The following JMY variants were observed in gnomAD, a reference collection of about 807,000 sequenced individuals.
JMY encodes junction-mediating and -regulatory protein.
In JMY, 46 loss-of-function variants were observed where a neutral mutation model predicts 103.3. The observed-to-expected ratio is 0.45, with a 90% CI of 0.35 to 0.57. The LOEUF is 0.57. Ranked by LOEUF, JMY falls within the 20% of genes least tolerant of loss-of-function variation. The pLI, the probability that JMY is intolerant of heterozygous loss-of-function variation, is 0.00. For missense variants in JMY, 1,238 were observed against 1,255.2 expected (o/e 0.99, Z 0.21); for synonymous variants, 526 against 489.3 (o/e 1.07, Z -0.99).
intron 2 of JMY, 104 bp downstream of exon 2, chr5:79,278,187 A>T: frequency 3.3e-6 from 3 of 911,250 alleles, no homozygotes; most frequent in Non-Finnish European, 4.8e-6. Context: ...AAAAAAAAAA[A>T]GAAGGTACCT....
chr5:79,257,214 A>G (rs1454820564), intron 1 of JMY, among the ~76,000 whole-genome samples: 4 of 151,958 alleles, frequency 2.6e-5, no homozygotes, highest in Non-Finnish European at 5.9e-5. Context: ...CCGTGATTAC[A>G]GGCGTGAGCT....
At chr5:79,293,001 T>C (rs772102320) in intron 4 of JMY, among the ~76,000 whole-genome samples, 15 of 152,196 alleles carry the variant, frequency 9.9e-5, no homozygotes, top group African/African-American at 1.2e-4. Context: ...TAATTTAACA[T>C]GCCCACATTA....
chr5:79,288,778 C>T (rs760973426), intron 2 of JMY, among the ~76,000 whole-genome samples: 54 of 151,448 alleles, frequency 3.6e-4, no homozygotes, highest in South Asian at 6.2e-4. Context: ...ATGGTACCCA[C>T]GCTGGTCTCC....
In JMY at chr5:79,236,768, G is replaced by A. The variant is rs1389405580; in HGVS notation, c.118G>A (p.Gly40Ser). Residue 40 changes from glycine (G) to serine (S), a missense_variant, in exon 1 of 11, where the codon GGC (glycine) becomes AGC (serine). By Grantham distance (56) the Gly-to-Ser change is moderately conservative. Coordinates refer to ENST00000396137, the MANE Select transcript of JMY (RefSeq NM_152405.5). ...TATTGTGGCCTGGAACGAGATTGAG[G>A]GCAAGTTTGCCATAACCTGCCACAA... ...VFIVAWNEIE[G>S]KFAITCHNRT... 2 of 1,511,998 alleles carry A rather than the reference G, an allele frequency of 1.3e-6. No individual in the cohort carries two copies. The highest frequency in any genetic ancestry group is 1.8e-6 in the Non-Finnish European group (2 of 1,128,644). The allele number at this position is 1,511,998 out of a possible 1,614,324, so 93.7% of individuals were successfully genotyped here. A position where few individuals can be genotyped will look rare whatever the true frequency, so the allele number is the denominator to read the frequency against.
chr5:79,259,359 C>T (rs550344904), intron 1 of JMY, among the ~76,000 whole-genome samples: 15 of 152,116 alleles, frequency 9.9e-5, no homozygotes, highest in East Asian at 7.7e-4. Flanking sequence ...GAAGTGTGTG[C>T]GAAATGGTCC....
chr5:79,283,105 C>A (rs1746170340), intron 2 of JMY, among the ~76,000 whole-genome samples: 1 of 152,012 alleles, frequency 6.6e-6, no homozygotes, highest in Admixed American at 6.6e-5. Flanking sequence ...AATTCTCCTG[C>A]CTCAGCCTCC....
chr5:79,284,047 A>ACT, intron 2 of JMY: 1 of 828,208 alleles, frequency 1.2e-6, no homozygotes, highest in Non-Finnish European at 1.8e-6. Flanking sequence ...GGTACAAATT[A>ACT]CTTTCTTTTT....
intron 10 of JMY, among the ~76,000 whole-genome samples, chr5:79,318,082 AG>A (rs1438649004): frequency 1.3e-5 from 2 of 152,046 alleles, no homozygotes; most frequent in Non-Finnish European, 2.9e-5. Context: ...GCTCGCTGCA[AG>A]CTCCACCTCG....
chr5:79,301,685 C>T (rs1310545990), intron 6 of JMY, among the ~76,000 whole-genome samples: 1 of 152,212 alleles, frequency 6.6e-6, no homozygotes, highest in African/African-American at 2.4e-5. Context: ...CTGGCTTTCA[C>T]ATAATTATGT....
chr5:79,270,347 T>C (rs945706062), intron 1 of JMY, among the ~76,000 whole-genome samples: 1 of 139,996 alleles, frequency 7.1e-6, no homozygotes. Flanking sequence ...AATATATATT[T>C]ACATAAATAT....
At chr5:79,317,255 A>G (rs1416266555) in intron 10 of JMY, among the ~76,000 whole-genome samples, 1 of 152,142 alleles carries the variant, frequency 6.6e-6, no homozygotes, top group African/African-American at 2.4e-5. Context: ...CAGTTACTGT[A>G]TTATCTAGAC....
At chr5:79,321,282 C>G (rs979641975) in intron 10 of JMY, among the ~76,000 whole-genome samples, 1 of 152,192 alleles carries the variant, frequency 6.6e-6, no homozygotes, top group Non-Finnish European at 1.5e-5. Context: ...AAAACAGTTT[C>G]TACTGCATTT....
intron 1 of JMY, among the ~76,000 whole-genome samples, chr5:79,255,864 CTG>C (rs1312953596): frequency 6.6e-6 from 1 of 152,254 alleles, no homozygotes; most frequent in Non-Finnish European, 1.5e-5. Flanking sequence ...ACCACTGGGA[CTG>C]TGCTGAGTCA....
rs1747157941 is a variant in JMY, at chr5:79,314,682, G to A, written c.2490G>A (p.Lys830=). 5 of 1,488,176 alleles carry A rather than the reference G, an allele frequency of 3.4e-6. No homozygotes were observed. The highest frequency in any genetic ancestry group is 4.5e-6 in the Non-Finnish European group (5 of 1,112,644). 92.2% of individuals were successfully genotyped at this position (1,488,176 alleles called of 1,614,324 possible). ...CACCACCACCTCTGCCTGTTGCTAA[G>A]GACAGTGGCCCAGAGACACTGGAGA... ...PPPPPPLPVA[K]DSGPETLEKD... Residue 830 remains lysine (K), a synonymous_variant, in exon 9 of 11, where the codon AAG becomes AAA. Transcript: ENST00000396137.
intron 1 of JMY, among the ~76,000 whole-genome samples, chr5:79,263,738 A>G (rs995675164): frequency 6.6e-5 from 10 of 151,334 alleles, no homozygotes; most frequent in African/African-American, 4.9e-5. Flanking sequence ...CACCGGTGCA[A>G]TCATGGCTTA....
At chr5:79,237,792 C>G in intron 1 of JMY, 110 bp downstream of exon 1, 6 of 979,356 alleles carry the variant, frequency 6.1e-6, no homozygotes, top group Non-Finnish European at 7.4e-6. Context: ...GGTTGTTTTT[C>G]TGGACAAGCG....
chr5:79,277,169 G>A (rs1745965558), intron 1 of JMY, among the ~76,000 whole-genome samples: 2 of 152,182 alleles, frequency 1.3e-5, no homozygotes, highest in East Asian at 3.9e-4. Flanking sequence ...ATTGTTTTCT[G>A]TTTATTCACT....
rs567146234 is a variant in JMY, at chr5:79,291,043, T to C, written c.1358-87T>C. 4.3e-6 allele frequency: 4 copies of C among 924,112 alleles called. No individual in the cohort carries two copies. In the Admixed American group the frequency reaches 9.9e-5, roughly 23 times the overall value. The allele number at this position is 924,112 out of a possible 1,614,324, so 57.2% of individuals were successfully genotyped here. On this transcript the variant is annotated intron_variant, in intron 3 of 10. Coordinates refer to ENST00000396137, the MANE Select transcript of JMY (RefSeq NM_152405.5). ...TTATCATGACAGCAGGATTTGTTTC[T>C]CTTTGTGTGGTCAGTGAAATCTTTT...
At chr5:79,248,048 A>C (rs7733979) in intron 1 of JMY, among the ~76,000 whole-genome samples, 5,124 of 151,748 alleles carry the variant, frequency 0.034, 109 homozygotes, top group South Asian at 0.061. Context: ...ACACACCACC[A>C]CACCTGGCTA....
Sources: allele counts gnomAD v4.1 joint callset (sites outside exome capture counted in the v4.1 genomes callset), GRCh38; gene constraint gnomAD v4.1.1; transcripts MANE v1.5; gene names NCBI Gene and HGNC (gene_info 2026-07-23, HGNC 2026-07-21).